Variants in AFF1 observed in about 807,000 individuals in gnomAD.
The protein encoded by AFF1 is ALF transcription elongation factor 1, also known as AF4/FMR2 family member 1.
A neutral mutation model predicts 121.7 loss-of-function variants in AFF1; 48 were observed. The observed-to-expected ratio is 0.39, with a 90% CI of 0.31 to 0.50. The LOEUF (loss-of-function observed/expected upper bound fraction) is 0.50. AFF1 is among the 20% of genes least tolerant of loss of function. The pLI is 0.76. For missense variants in AFF1, 1,523 were observed against 1,511.7 expected (o/e 1.01, Z -0.12); for synonymous variants, 613 against 563.0 (o/e 1.09, Z -1.26).
intron 2 of AFF1, among the ~76,000 whole-genome samples, chr4:87,044,308 G>A (rs533426285): frequency 1.0e-3 from 157 of 152,254 alleles, no homozygotes; most frequent in Non-Finnish European, 1.4e-3. Flanking sequence ...GTAAAAATAC[G>A]TAAGTGTAGT....
At chr4:86,995,976 TGAG>T (rs963977324) in intron 2 of AFF1, among the ~76,000 whole-genome samples, 2 of 115,550 alleles carry the variant, frequency 1.7e-5, no homozygotes, top group African/African-American at 5.4e-5. Flanking sequence ...GTCTGAGAAG[TGAG>T]GAGCCCCTCC....
intron 2 of AFF1, among the ~76,000 whole-genome samples, chr4:86,968,060 G>C (rs1722658277): frequency 1.3e-5 from 2 of 152,148 alleles, no homozygotes; most frequent in Non-Finnish European, 2.9e-5. Context: ...ACAAAACCCA[G>C]GAGAGTGCTC....
At chr4:87,122,881 TAAAAAAAAAA>T (rs3036188) in intron 12 of AFF1, among the ~76,000 whole-genome samples, 9 of 96,642 alleles carry the variant, frequency 9.3e-5, no homozygotes, top group African/African-American at 2.9e-4. Flanking sequence ...GGAAAATTAG[TAAAAAAAAAA>T]AAAAAAAAAA....
At chr4:87,017,680 C>T (rs372255066) in intron 2 of AFF1, among the ~76,000 whole-genome samples, 3 of 152,120 alleles carry the variant, frequency 2.0e-5, no homozygotes, top group Non-Finnish European at 4.4e-5. Flanking sequence ...GGCAAAAATG[C>T]GCTGTTCTCA....
chr4:86,976,907 T>C (rs539539385), intron 2 of AFF1, among the ~76,000 whole-genome samples: 111 of 152,378 alleles, frequency 7.3e-4, no homozygotes, highest in African/African-American at 2.6e-3. Context: ...TGATAGCACC[T>C]ACCTTGTCAG....
intron 11 of AFF1, among the ~76,000 whole-genome samples, chr4:87,111,892 TC>T (rs1417417978): frequency 6.6e-6 from 1 of 152,210 alleles, no homozygotes; most frequent in Non-Finnish European, 1.5e-5. Flanking sequence ...ATCAGGACGT[TC>T]CTTTAGGGAC....
At chr4:87,085,433 TTTC>T (rs576139126) in intron 5 of AFF1, among the ~76,000 whole-genome samples, 20 of 151,988 alleles carry the variant, frequency 1.3e-4, no homozygotes, top group African/African-American at 4.6e-4. Context: ...TTCTGACTTT[TTTC>T]TTCTTTTTTT....
At chr4:87,096,711 C>T (rs1287943890) in intron 8 of AFF1, among the ~76,000 whole-genome samples, 3 of 151,912 alleles carry the variant, frequency 2.0e-5, no homozygotes, top group Non-Finnish European at 2.9e-5. Flanking sequence ...CTATGATGCC[C>T]GGCTCCCCTT....
intron 2 of AFF1, among the ~76,000 whole-genome samples, chr4:86,987,002 C>T (rs1050639375): frequency 2.6e-5 from 4 of 151,830 alleles, no homozygotes; most frequent in Admixed American, 1.3e-4. Context: ...CCACCATGCC[C>T]AGCTAATTTC....
intron 2 of AFF1, among the ~76,000 whole-genome samples, chr4:87,016,193 G>A (rs1473790818): frequency 6.6e-6 from 1 of 151,826 alleles, no homozygotes; most frequent in East Asian, 1.9e-4. Context: ...ATGACCTTTT[G>A]TGGGGAAAGA....
intron 8 of AFF1, among the ~76,000 whole-genome samples, chr4:87,101,202 C>T (rs931999587): frequency 1.3e-5 from 2 of 152,116 alleles, no homozygotes; most frequent in African/African-American, 4.8e-5. Context: ...AATTTGTAAC[C>T]TCCCACCATC....
Position 87,138,500 on chromosome 4 carries a change from T to C in AFF1, c.*2799T>C, listed in dbSNP as rs1170516792. The C allele has an allele frequency of 6.9e-5, 12 of 174,770 alleles. No homozygotes were observed. Among genetic ancestry groups the C allele is most frequent in the Non-Finnish European group, 1.1e-4 (10 of 89,002 alleles). The allele number at this position is 174,770 out of a possible 1,614,324, so 10.8% of individuals were successfully genotyped here. The stretch of plus-strand genomic sequence containing the variant: ...CCTTTGGCACTACAAGGTGTGTGTG[T>C]GTGTGTGTGTGTGTGTGTGTGTCTT... On this transcript the variant is annotated 3_prime_UTR_variant, in exon 21 of 21. Coordinates refer to ENST00000395146, the MANE Select transcript of AFF1 (RefSeq NM_001166693.3).
chr4:87,114,813 C>A lies in AFF1; in HGVS notation c.1980C>A (p.Ala660=), dbSNP rs116543050. 30 of 1,613,432 alleles carry A rather than the reference C, an allele frequency of 1.9e-5. No homozygotes were observed. Among genetic ancestry groups the A allele is most frequent in the Non-Finnish European group, 8.5e-6 (10 of 1,179,790 alleles). The part of the protein sequence containing the change: ...PKVKTKGRPR[A]AASNEPKPAV... ...TGAAGACGAAAGGACGGCCCCGGGC[C>A]GCAGCAAGCAACGAACCCAAGCCAG... The change falls in exon 12 of 21, where the codon GCC becomes GCA. Residue 660 remains alanine (A), a synonymous_variant. Coordinates refer to ENST00000395146, the MANE Select transcript of AFF1 (RefSeq NM_001166693.3).
intron 7 of AFF1, among the ~76,000 whole-genome samples, chr4:87,092,380 A>G (rs886546608): frequency 6.6e-6 from 1 of 152,254 alleles, no homozygotes; most frequent in Non-Finnish European, 1.5e-5. Context: ...GACACATAGT[A>G]GCTGTACCAA....
chr4:87,009,680 G>A (rs1192463817), intron 2 of AFF1, among the ~76,000 whole-genome samples: 4 of 152,118 alleles, frequency 2.6e-5, no homozygotes, highest in Admixed American at 2.6e-4. Flanking sequence ...GTGCTCTGTG[G>A]GAGAGAAGGT....
intron 2 of AFF1, among the ~76,000 whole-genome samples, chr4:87,004,488 CATT>C (rs1725946508): frequency 6.6e-6 from 1 of 151,992 alleles, no homozygotes; most frequent in African/African-American, 2.4e-5. Flanking sequence ...GAAAGAATGG[CATT>C]ATTTTACATT....
At chr4:87,105,599 ATTC>A (rs751157979) in intron 8 of AFF1, 26 bp from the exon 9 acceptor site, 2 of 1,613,650 alleles carry the variant, frequency 1.2e-6, no homozygotes, top group Non-Finnish European at 1.7e-6. Context: ...TTTCACATTC[ATTC>A]TTCTCTGTGT....
chr4:87,053,505 C>T (rs185608362), intron 4 of AFF1, among the ~76,000 whole-genome samples: 43 of 152,322 alleles, frequency 2.8e-4, no homozygotes, highest in South Asian at 1.9e-3. Flanking sequence ...ATTTAAACCT[C>T]AAGAAGAGGG....
At chr4:86,989,202 T>C (rs932265080) in intron 2 of AFF1, among the ~76,000 whole-genome samples, 4 of 152,138 alleles carry the variant, frequency 2.6e-5, no homozygotes, top group Non-Finnish European at 5.9e-5. Context: ...GTAATTAAAC[T>C]AAAGAGCTTC....
Sources: allele counts gnomAD v4.1 joint callset (sites outside exome capture counted in the v4.1 genomes callset), GRCh38; gene constraint gnomAD v4.1.1; transcripts MANE v1.5; gene names NCBI Gene and HGNC (gene_info 2026-07-23, HGNC 2026-07-21).